Variants in ROBO1 observed in about 807,000 individuals in gnomAD.
ROBO1 encodes the protein roundabout guidance receptor 1, also known as roundabout homolog 1.
Under a neutral mutation model 195.9 loss-of-function variants are expected in ROBO1, and 149 were observed. The ratio of observed to expected loss-of-function variants is 0.76; its 90% CI spans 0.67 to 0.87. The LOEUF (loss-of-function observed/expected upper bound fraction) is 0.87, where lower values mean the gene tolerates loss of function less well. Ranked by LOEUF, ROBO1 falls within the 40% of genes least tolerant of loss-of-function variation. The pLI is 0.00. For missense variants in ROBO1, 1,933 were observed against 2,068.3 expected (o/e 0.93, Z 1.27); for synonymous variants, 816 against 733.2 (o/e 1.11, Z -1.82).
chr3:78,685,669 T>C, intron 10 of ROBO1, 77 bp downstream of exon 10: 1 of 1,005,044 alleles, frequency 9.9e-7, no homozygotes, highest in East Asian at 2.7e-5. Context: ...AAGTTGGAAA[T>C]AAATATATCT....
At chr3:79,581,150 A>AT (rs201242291) in intron 2 of ROBO1, among the ~76,000 whole-genome samples, 2,063 of 148,232 alleles carry the variant, frequency 0.014, 42 homozygotes, top group African/African-American at 0.05. Flanking sequence ...TATTTATTTT[A>AT]TTTTTTTTAC....
intron 27 of ROBO1, 42 bp downstream of exon 27, chr3:78,617,593 T>C (rs1338919321): frequency 6.4e-7 from 1 of 1,551,990 alleles, no homozygotes; most frequent in Non-Finnish European, 8.7e-7. Context: ...ATATATACAT[T>C]GAGTTTTCTT....
Position 79,171,413 on chromosome 3 carries a change from C to CAAAAAAAAAAAAAAAAA in ROBO1, c.89-45891_89-45875dup, listed in dbSNP as rs34894151. On this transcript the variant is annotated intron_variant, in intron 2 of 30. Coordinates refer to ENST00000464233, the MANE Select transcript of ROBO1 (RefSeq NM_002941.4). ...GCAAGTATATATGCCATGAAAATTGCAAAAAAAAAAAAAAAAAAGCCATAA... is the reference window on the plus strand; with the variant it reads ...GCAAGTATATATGCCATGAAAATTGCAAAAAAAAAAAAAAAAAAAAAAAAAAAAAAAAAAAGCCATAA... 6.1e-5 allele frequency among the ~76,000 whole-genome samples: 4 copies of CAAAAAAAAAAAAAAAAA among 65,850 alleles called. 1 individual carries two copies. The highest frequency in any genetic ancestry group is 1.3e-4 in the Non-Finnish European group (4 of 30,084). The allele number at this position is 65,850 out of a possible 152,430, so 43.2% of individuals were successfully genotyped here.
At chr3:79,500,300 T>C (rs1304088477) in intron 2 of ROBO1, among the ~76,000 whole-genome samples, 3 of 151,990 alleles carry the variant, frequency 2.0e-5, no homozygotes, top group Non-Finnish European at 4.4e-5. Flanking sequence ...AGGCTACTTT[T>C]TGTATTTTTA....
chr3:79,524,913 T>G (rs980348492), intron 2 of ROBO1, among the ~76,000 whole-genome samples: 2 of 151,978 alleles, frequency 1.3e-5, no homozygotes, highest in Non-Finnish European at 2.9e-5. Context: ...GTGTGTGTGT[T>G]TTTGTATACA....
At chr3:78,823,193 T>A (rs1445931064) in intron 4 of ROBO1, among the ~76,000 whole-genome samples, 2 of 32,670 alleles carry the variant, frequency 6.1e-5, no homozygotes, top group Non-Finnish European at 1.4e-4. Flanking sequence ...AAAATGATTT[T>A]TTTTTTTTTT....
intron 2 of ROBO1, among the ~76,000 whole-genome samples, chr3:79,225,882 A>G (rs1299225723): frequency 6.6e-6 from 1 of 152,138 alleles, no homozygotes; most frequent in Non-Finnish European, 1.5e-5. Flanking sequence ...CATCCAGGAT[A>G]CCATGGTCTT....
chr3:78,918,810 A>C (rs2038779211), intron 4 of ROBO1, among the ~76,000 whole-genome samples: 1 of 152,112 alleles, frequency 6.6e-6, no homozygotes, highest in African/African-American at 2.4e-5. Flanking sequence ...CACAATACTC[A>C]CAGATACTCA....
chr3:79,236,714 T>C (rs1405903748), intron 2 of ROBO1, among the ~76,000 whole-genome samples: 1 of 152,230 alleles, frequency 6.6e-6, no homozygotes, highest in Non-Finnish European at 1.5e-5. Flanking sequence ...CTCTGTGGTA[T>C]GCATAAGCTT....
intron 4 of ROBO1, among the ~76,000 whole-genome samples, chr3:78,921,921 G>A (rs898705778): frequency 6.6e-6 from 1 of 151,860 alleles, no homozygotes; most frequent in Non-Finnish European, 1.5e-5. Flanking sequence ...CGAGTAGCTG[G>A]AACTACTGGC....
chr3:79,650,956 T>C (rs1945987217), intron 1 of ROBO1, among the ~76,000 whole-genome samples: 1 of 152,066 alleles, frequency 6.6e-6, no homozygotes, highest in African/African-American at 2.4e-5. Flanking sequence ...TTCTTTTGAT[T>C]CCTGAGTGTT....
chr3:78,610,542 G>A (rs9811063), intron 28 of ROBO1, among the ~76,000 whole-genome samples: 131,862 of 152,028 alleles, frequency 0.87, 57,695 homozygotes, highest in East Asian at 0.96. Context: ...GATTGCGAAC[G>A]CAGATTATCA....
intron 3 of ROBO1, among the ~76,000 whole-genome samples, chr3:79,004,635 T>C (rs1205517518): frequency 6.6e-6 from 1 of 152,060 alleles, no homozygotes; most frequent in Non-Finnish European, 1.5e-5. Context: ...AAACAGGAAT[T>C]GGGATGGAAA....
At chr3:79,705,884 CATATTTTGTTAAATTT>C (rs1232900315) in intron 1 of ROBO1, among the ~76,000 whole-genome samples, 1 of 152,052 alleles carries the variant, frequency 6.6e-6, no homozygotes, top group Non-Finnish European at 1.5e-5. Flanking sequence ...AGATCTTGTA[CATATTTTGTTAAATTT>C]ATATTTATGT....
At chr3:79,534,480 A>C (rs1476492710) in intron 2 of ROBO1, among the ~76,000 whole-genome samples, 1 of 152,098 alleles carries the variant, frequency 6.6e-6, no homozygotes, top group Non-Finnish European at 1.5e-5. Context: ...AACATCATGA[A>C]AGTCAAGACC....
chr3:78,973,607 A>C (rs2107932734), intron 3 of ROBO1, among the ~76,000 whole-genome samples: 1 of 145,278 alleles, frequency 6.9e-6, no homozygotes, highest in South Asian at 2.1e-4. Context: ...ATAGCTTCTT[A>C]GGTTAATAAC....
chr3:79,519,684 T>C (rs1431475400), intron 2 of ROBO1, among the ~76,000 whole-genome samples: 1 of 139,008 alleles, frequency 7.2e-6, no homozygotes, highest in Admixed American at 7.1e-5. Flanking sequence ...AAGTATAATA[T>C]AATATGTTGT....
intron 1 of ROBO1, among the ~76,000 whole-genome samples, chr3:79,641,574 A>T (rs1189498018): frequency 1.3e-5 from 2 of 151,858 alleles, no homozygotes; most frequent in Non-Finnish European, 2.9e-5. Flanking sequence ...TAAAAAAAAT[A>T]AAATAAGAAA....
chr3:79,452,916 C>A (rs970706754), intron 2 of ROBO1, among the ~76,000 whole-genome samples: 1 of 151,692 alleles, frequency 6.6e-6, no homozygotes, highest in Non-Finnish European at 1.5e-5. Flanking sequence ...TTTCTAGAAT[C>A]TTGAAGTTTT....
Sources: allele counts gnomAD v4.1 joint callset (sites outside exome capture counted in the v4.1 genomes callset), GRCh38; gene constraint gnomAD v4.1.1; transcripts MANE v1.5; gene names NCBI Gene and HGNC (gene_info 2026-07-23, HGNC 2026-07-21).